Variants in SLC24A2 observed in about 807,000 individuals in gnomAD.
SLC24A2 encodes sodium/potassium/calcium exchanger 2.
Under a neutral mutation model 62.0 loss-of-function variants are expected in SLC24A2, and 36 were observed. That is an observed-to-expected ratio of 0.58 (90% CI 0.44 to 0.77). The LOEUF is 0.77. Ranked by LOEUF, SLC24A2 falls within the 30% of genes least tolerant of loss-of-function variation. SLC24A2 has a pLI of 0.00. For synonymous variants in SLC24A2, 358 were observed against 294.0 expected, an observed-to-expected ratio of 1.22 and a Z score of -2.23; for missense variants, 846 against 817.9, an observed-to-expected ratio of 1.03 and a Z score of -0.42.
At chr9:20,159,398 A>C in the SLC24A2 span, among the ~76,000 whole-genome samples, 1 of 149,042 alleles carries the variant, frequency 6.7e-6, no homozygotes, top group Admixed American at 6.6e-5. Context: ...GTAACATCTA[A>C]GATTTTTTTA....
chr9:20,130,203 T>C, the SLC24A2 span, among the ~76,000 whole-genome samples: 2 of 152,022 alleles, frequency 1.3e-5, no homozygotes, highest in African/African-American at 4.8e-5. Flanking sequence ...TGGTGACCAT[T>C]GTCTTAGACA....
the SLC24A2 span, among the ~76,000 whole-genome samples, chr9:19,846,575 T>C: frequency 1.3e-5 from 2 of 152,242 alleles, no homozygotes; most frequent in East Asian, 3.8e-4. Flanking sequence ...GTGGATTGTT[T>C]AGACCATTTA....
the SLC24A2 span, among the ~76,000 whole-genome samples, chr9:19,962,768 T>C: frequency 2.0e-5 from 3 of 152,334 alleles, no homozygotes; most frequent in Non-Finnish European, 4.4e-5. Context: ...GCTGAGACTA[T>C]GGGGTTTTCT....
At chr9:19,591,695 G>A (rs1836557347) in intron 5 of SLC24A2, among the ~76,000 whole-genome samples, 1 of 152,220 alleles carries the variant, frequency 6.6e-6, no homozygotes, top group Non-Finnish European at 1.5e-5. Flanking sequence ...TCATATACGA[G>A]GGTGGTGGAG....
At chr9:20,187,490 C>T in the SLC24A2 span, among the ~76,000 whole-genome samples, 1 of 152,198 alleles carries the variant, frequency 6.6e-6, no homozygotes, top group South Asian at 2.1e-4. Context: ...TCAACAGCCT[C>T]ATCTCATGCC....
chr9:19,788,514 A>G (rs890393064), intron 1 of SLC24A2: 1 of 985,308 alleles, frequency 1.0e-6, no homozygotes, highest in Non-Finnish European at 1.2e-6. Flanking sequence ...AAATAAATCT[A>G]AAGGACAGAC....
intron 2 of SLC24A2, among the ~76,000 whole-genome samples, chr9:19,722,236 A>G (rs1821047648): frequency 6.6e-6 from 1 of 152,162 alleles, no homozygotes; most frequent in African/African-American, 2.4e-5. Context: ...GCTGAAACAG[A>G]GGAAATCAGA....
At chr9:19,626,125 C>T (rs921076022) in intron 2 of SLC24A2, among the ~76,000 whole-genome samples, 1 of 152,244 alleles carries the variant, frequency 6.6e-6, no homozygotes, top group Admixed American at 6.5e-5. Context: ...AGTCCCAAGT[C>T]CTTAAATCTT....
the SLC24A2 span, among the ~76,000 whole-genome samples, chr9:20,302,598 G>C: frequency 6.6e-6 from 1 of 151,970 alleles, no homozygotes; most frequent in East Asian, 1.9e-4. Context: ...TTGGTGTTGA[G>C]TTTTTTTTAT....
At chr9:19,571,285 G>C (rs995771754) in intron 7 of SLC24A2, among the ~76,000 whole-genome samples, 1 of 152,232 alleles carries the variant, frequency 6.6e-6, no homozygotes, top group Non-Finnish European at 1.5e-5. Context: ...AGGCAGAGGA[G>C]ACAAGGGCAG....
chr9:20,005,269 G>A, the SLC24A2 span, among the ~76,000 whole-genome samples: 1 of 152,210 alleles, frequency 6.6e-6, no homozygotes, highest in Non-Finnish European at 1.5e-5. Context: ...TTGGACTTGG[G>A]AAATTATCCC....
At chr9:20,213,950 C>T in the SLC24A2 span, among the ~76,000 whole-genome samples, 12 of 152,298 alleles carry the variant, frequency 7.9e-5, no homozygotes, top group East Asian at 2.1e-3. Context: ...ATGTAAGCGG[C>T]ATCATGCAGT....
At chr9:19,823,887 T>C in the SLC24A2 span, among the ~76,000 whole-genome samples, 1 of 152,166 alleles carries the variant, frequency 6.6e-6, no homozygotes, top group African/African-American at 2.4e-5. Context: ...AACCATCTGA[T>C]CTTTGACAAA....
intron 2 of SLC24A2, among the ~76,000 whole-genome samples, chr9:19,735,975 G>C (rs1234592266): frequency 1.3e-5 from 2 of 152,000 alleles, no homozygotes; most frequent in Non-Finnish European, 2.9e-5. Context: ...CCTGTACGTT[G>C]TGCACATGTA....
At chr9:20,084,826 GAA>G in the SLC24A2 span, among the ~76,000 whole-genome samples, 1 of 151,702 alleles carries the variant, frequency 6.6e-6, no homozygotes, top group Non-Finnish European at 1.5e-5. Flanking sequence ...GCTCAGTTTT[GAA>G]AAAGAAAAAA....
the SLC24A2 span, among the ~76,000 whole-genome samples, chr9:20,286,793 T>C: frequency 2.6e-5 from 4 of 152,220 alleles, no homozygotes; most frequent in Admixed American, 2.6e-4. Context: ...AGGACTCTCC[T>C]GAACAAAGTG....
the SLC24A2 span, among the ~76,000 whole-genome samples, chr9:19,960,814 G>C: frequency 3.3e-5 from 5 of 152,200 alleles, no homozygotes; most frequent in South Asian, 1.0e-3. Context: ...TACTTCACAG[G>C]GTTGTCGTGA....
chr9:20,041,739 T>G, the SLC24A2 span, among the ~76,000 whole-genome samples: 1 of 152,242 alleles, frequency 6.6e-6, no homozygotes, highest in Non-Finnish European at 1.5e-5. Flanking sequence ...AAAACACTGC[T>G]GGAGAAGTTG....
At chr9:20,162,227 G>C in the SLC24A2 span, among the ~76,000 whole-genome samples, 1 of 151,496 alleles carries the variant, frequency 6.6e-6, no homozygotes, top group Non-Finnish European at 1.5e-5. Context: ...AACATAGCAA[G>C]ACACCTCTTA....
Sources: gnomAD v4.1 joint callset for allele counts (sites outside exome capture counted in the v4.1 genomes callset) on GRCh38, gnomAD v4.1.1 for gene constraint, MANE v1.5 for transcripts, NCBI Gene and HGNC (gene_info 2026-07-23, HGNC 2026-07-21) for gene names.